Variants in DLG1 observed in about 807,000 individuals in gnomAD.
The protein encoded by DLG1 is discs large MAGUK scaffold protein 1.
DLG1 carries 42 observed loss-of-function variants against 123.4 expected under a neutral mutation model. The observed-to-expected ratio is 0.34, with a 90% CI of 0.27 to 0.44. The LOEUF is 0.44. Among genes scored for constraint, DLG1 ranks in the 20% least tolerant of loss-of-function variants. The pLI, the probability that DLG1 is intolerant of heterozygous loss-of-function variation, is 1.00. For missense variants in DLG1, 942 were observed against 1,082.6 expected (o/e 0.87, Z 1.82); for synonymous variants, 317 against 356.2 (o/e 0.89, Z 1.24).
In DLG1 at chr3:197,179,392, A is replaced by G. The variant is rs534281036; in HGVS notation, c.483+15033T>C. Among the ~76,000 whole-genome samples the G allele has an allele frequency of 4.6e-5, 7 of 152,274 alleles. No individual in the cohort carries two copies. The South Asian group carries it at 1.0e-3, about 23-fold the overall frequency. On this transcript the variant is annotated intron_variant, in intron 5 of 24. Transcript: ENST00000667157. ...AACTGGTAGTCTCATCAAGAATTTC[A>G]AAGGCTCTTTGGGGCACCTCCCTTA...
intron 4 of DLG1, among the ~76,000 whole-genome samples, chr3:197,218,112 A>C (rs1350415039): frequency 6.6e-6 from 1 of 152,224 alleles, no homozygotes; most frequent in African/African-American, 2.4e-5. Flanking sequence ...AAAGTGACAA[A>C]GAATGATGAA....
chr3:197,165,071 G>A (rs1800750980), intron 5 of DLG1, among the ~76,000 whole-genome samples: 1 of 152,108 alleles, frequency 6.6e-6, no homozygotes, highest in African/African-American at 2.4e-5. Context: ...CATAAAAAAT[G>A]GAAAGAAATG....
At chr3:197,298,641 A>G, upstream of DLG1, 1 of 173,756 alleles carries the variant, frequency 5.8e-6, no homozygotes, top group Admixed American at 6.5e-5. Flanking sequence ...AGCCGCCTTA[A>G]GGAGGAGCCA....
intron 17 of DLG1, among the ~76,000 whole-genome samples, chr3:197,080,002 TA>T (rs887192858): frequency 1.3e-4 from 19 of 151,422 alleles, no homozygotes; most frequent in African/African-American, 4.1e-4. Flanking sequence ...TGTTTAGTAT[TA>T]AAAAAAACCC....
intron 14 of DLG1, among the ~76,000 whole-genome samples, chr3:197,098,758 C>G (rs1366310241): frequency 6.6e-6 from 1 of 152,270 alleles, no homozygotes; most frequent in East Asian, 1.9e-4. Flanking sequence ...TCTTGAACTC[C>G]TGCTTTCAAG....
At chr3:197,261,893 G>A (rs1213689527) in intron 4 of DLG1, among the ~76,000 whole-genome samples, 3 of 152,024 alleles carry the variant, frequency 2.0e-5, no homozygotes, top group Non-Finnish European at 4.4e-5. Context: ...ATATACACAG[G>A]GCACTTAGAA....
At chr3:197,065,653 C>G in intron 21 of DLG1, 55 bp downstream of exon 21, 1 of 1,302,262 alleles carries the variant, frequency 7.7e-7, no homozygotes, top group Admixed American at 1.9e-5. Context: ...TTCCCACACA[C>G]AGTGACAGGA....
At chr3:197,292,724 GTATT>G (rs1314456566) in intron 3 of DLG1, among the ~76,000 whole-genome samples, 1 of 152,196 alleles carries the variant, frequency 6.6e-6, no homozygotes, top group Non-Finnish European at 1.5e-5. Flanking sequence ...TAAATGGACA[GTATT>G]ATTACATAAT....
intron 18 of DLG1, among the ~76,000 whole-genome samples, chr3:197,071,911 C>T (rs1294271852): frequency 6.6e-6 from 1 of 152,116 alleles, no homozygotes; most frequent in African/African-American, 2.4e-5. Context: ...TCTATACGAC[C>T]CAGCAATTCC....
rs1012266456 is a variant in DLG1 at position 197,166,490 on chromosome 3, C to T, written c.484-16694G>A. Among the ~76,000 whole-genome samples, 6 of 152,288 alleles carry T rather than the reference C, an allele frequency of 3.9e-5. No homozygotes were observed. The South Asian group carries it at 1.2e-3, about 32-fold the overall frequency. ...ACATAAATGTGTGTGTATATATGTGCATAGGTCTGCTAACTATGAGGACCT... is the reference window on the plus strand; with the variant it reads ...ACATAAATGTGTGTGTATATATGTGTATAGGTCTGCTAACTATGAGGACCT... On this transcript the variant is annotated intron_variant, in intron 5 of 24. Transcript: ENST00000667157.
chr3:197,232,740 T>C (rs1430289717), intron 4 of DLG1, among the ~76,000 whole-genome samples: 2 of 150,866 alleles, frequency 1.3e-5, no homozygotes, highest in African/African-American at 4.9e-5. Context: ...AAAATTACCA[T>C]CTATCTGGCA....
rs1579614727 is a variant in DLG1, at chr3:197,296,795, C to A, written c.20-318G>T. The A allele has an allele frequency of 2.6e-5, 9 of 350,718 alleles. No homozygotes were observed. The East Asian group carries it at 4.9e-4, about 19-fold the overall frequency. The allele number at this position is 350,718 out of a possible 1,614,324, so 21.7% of individuals were successfully genotyped here. On this transcript the variant is annotated intron_variant, in intron 2 of 24. Transcript: ENST00000667157. ...AACAGTTTCAGATTACCTGATAATG[C>A]AAAAGCAGATTATCTACAATTTGTC...
intron 4 of DLG1, among the ~76,000 whole-genome samples, chr3:197,279,842 ATACT>A (rs1412956452): frequency 1.3e-5 from 2 of 152,216 alleles, no homozygotes; most frequent in East Asian, 1.9e-4. Flanking sequence ...ATCTTAAAGA[ATACT>A]TACAGTTAAA....
At position 197,081,095 on chromosome 3, in the gene DLG1, G is replaced by C. The variant is rs767076677; in HGVS notation, c.1861C>G (p.Arg621Gly). Residue 621 changes from arginine to glycine, a missense_variant, in exon 17 of 25, where the codon CGA (arginine) becomes GGA (glycine). Physicochemically the swap from Arg to Gly is moderately radical, Grantham distance 125. Transcript: ENST00000667157. ...GAATTGAATTTCACTGTTTTTAATC[G>C]GGCTCGTTCTTTCTTCTCAACTCTG... is the stretch of plus-strand genomic sequence containing the variant. ...KRRVEKKERA[R>G]LKTVKFNSKT... 4 of 1,612,272 alleles carry C rather than the reference G, an allele frequency of 2.5e-6. No individual in the cohort carries two copies. Among genetic ancestry groups the C allele is most frequent in the Non-Finnish European group, 3.4e-6 (4 of 1,179,098 alleles).
chr3:197,223,956 G>C (rs1226289645), intron 4 of DLG1, among the ~76,000 whole-genome samples: 1 of 152,124 alleles, frequency 6.6e-6, no homozygotes, highest in African/African-American at 2.4e-5. Flanking sequence ...AGTACTACCT[G>C]CCATAAAATT....
At chr3:197,275,840 ATT>A (rs1766160577) in intron 4 of DLG1, among the ~76,000 whole-genome samples, 1 of 152,126 alleles carries the variant, frequency 6.6e-6, no homozygotes, top group Non-Finnish European at 1.5e-5. Context: ...GGTAACAACA[ATT>A]TATTGTATAT....
Position 197,130,665 on chromosome 3 carries a change from T to G in DLG1, c.1027A>C (p.Asn343His). ...TGAGTAACTTCTTCTAAACATACGT[T>G]ATTCACCTAAAAAAAGTCCCAAAAG... Reference protein sequence around the residue: ...QIGDKLLAVNNVCLEEVTHEE... With the variant: ...QIGDKLLAVNHVCLEEVTHEE... Residue 343 changes from asparagine to histidine, a missense_variant, in exon 11 of 25, where the codon AAC becomes CAC. By Grantham distance (68) the Asn-to-His change is moderately conservative (BLOSUM62 1). Coordinates refer to ENST00000667157, the MANE Select transcript of DLG1 (RefSeq NM_001366207.1). 6.3e-7 allele frequency: 1 copy of G among 1,593,952 alleles called. No homozygotes were observed. The highest frequency in any genetic ancestry group is 1.7e-5 in the Admixed American group (1 of 57,436).
intron 11 of DLG1, among the ~76,000 whole-genome samples, chr3:197,130,082 T>C (rs1049475167): frequency 6.6e-6 from 1 of 152,166 alleles, no homozygotes; most frequent in East Asian, 1.9e-4. Flanking sequence ...AGGATTGCCA[T>C]AAACCTTCAA....
intron 4 of DLG1, among the ~76,000 whole-genome samples, chr3:197,248,387 A>G (rs1752802221): frequency 6.6e-6 from 1 of 152,170 alleles, no homozygotes; most frequent in Non-Finnish European, 1.5e-5. Context: ...GGCCACCACA[A>G]TGAGGCAGTG....
Sources: allele counts gnomAD v4.1 joint callset (sites outside exome capture counted in the v4.1 genomes callset), GRCh38; gene constraint gnomAD v4.1.1; transcripts MANE v1.5; gene names NCBI Gene and HGNC (gene_info 2026-07-23, HGNC 2026-07-21).